The following CRHR2 variants were observed in gnomAD, a reference collection of about 807,000 sequenced individuals.
The protein encoded by CRHR2 is corticotropin-releasing hormone receptor 2.
A neutral mutation model predicts 57.9 loss-of-function variants in CRHR2; 53 were observed. The ratio of observed to expected loss-of-function variants is 0.92; its 90% CI spans 0.73 to 1.15. The LOEUF (loss-of-function observed/expected upper bound fraction) is 1.15. Among genes scored for constraint, CRHR2 ranks in the 50% most tolerant of loss-of-function variants. The pLI, the probability that CRHR2 is intolerant of heterozygous loss-of-function variation, is 0.00. For missense variants in CRHR2, 532 were observed against 542.6 expected (o/e 0.98, Z 0.19); for synonymous variants, 213 against 220.9 (o/e 0.96, Z 0.32).
chr7:30,654,834 A>G (rs1283861680), intron 11 of CRHR2: 4 of 1,542,472 alleles, frequency 2.6e-6, no homozygotes, highest in Non-Finnish European at 3.5e-6. Context: ...GGGTGCTGGC[A>G]TGTTATTTCG....
chr7:30,660,291 C>A (rs761239454), intron 8 of CRHR2, among the ~76,000 whole-genome samples: 3 of 152,184 alleles, frequency 2.0e-5, no homozygotes, highest in Non-Finnish European at 4.4e-5. Flanking sequence ...AGTGTCAGAC[C>A]GGGAGGGCAC....
rs954197815 is a variant in CRHR2, at chr7:30,660,869, G to A, written c.759-224C>T. On this transcript the variant is annotated intron_variant, in intron 7 of 11. Transcript: ENST00000471646. ...GTCTGATCTCCCCAGCCCGACTGAG[G>A]ACAGGCCATGGGTCTCTTTCTCCTC... Among the ~76,000 whole-genome samples the A allele has an allele frequency of 5.9e-5, 9 of 152,202 alleles. No homozygotes were observed. In the South Asian group the frequency reaches 1.0e-3, roughly 18 times the overall value.
intron 10 of CRHR2, 56 bp downstream of exon 10, chr7:30,655,523 GC>G: frequency 6.4e-7 from 1 of 1,569,794 alleles, no homozygotes; most frequent in South Asian, 1.2e-5. Context: ...GGGCATGGCT[GC>G]CAGAGCAGCC....
chr7:30,654,579 C>T (rs892848814), intron 11 of CRHR2: 37 of 1,130,374 alleles, frequency 3.3e-5, no homozygotes, highest in Non-Finnish European at 4.3e-5. Flanking sequence ...TTGGCTTGCA[C>T]ATGCCAAGCT....
intron 3 of CRHR2, 46 bp downstream of exon 3, chr7:30,667,182 A>C (rs748674703): frequency 8.9e-6 from 14 of 1,567,810 alleles, no homozygotes; most frequent in Non-Finnish European, 1.2e-5. Flanking sequence ...CCTGAGTCCA[A>C]ATACCTGTGT....
At chr7:30,671,644 A>G (rs1387634768) in intron 2 of CRHR2, among the ~76,000 whole-genome samples, 2 of 151,488 alleles carry the variant, frequency 1.3e-5, no homozygotes, top group Non-Finnish European at 3.0e-5. Context: ...TCAAAAAAAA[A>G]AAAAAAAAAA....
Position 30,694,780 on chromosome 7 carries a change from G to A in CRHR2, c.-261+5164C>T, listed in dbSNP as rs76173889. 4.2e-3 allele frequency among the ~76,000 whole-genome samples: 632 copies of A among 151,900 alleles called. 4 individuals are homozygous for A. Among genetic ancestry groups the A allele is most frequent in the African/African-American group, 0.014 (590 of 41,388 alleles). The stretch of plus-strand genomic sequence containing the variant: ...TTAGAGGAAGGAGCAAGAGGAGAGG[G>A]AAGAGAAGGAGAAGGCTTGGAGGAG... On this transcript the variant is annotated intron_variant, in intron 1 of 13. Transcript: ENST00000341843.
chr7:30,686,889 C>T (rs769113294), upstream of CRHR2, among the ~76,000 whole-genome samples: 23 of 152,152 alleles, frequency 1.5e-4, no homozygotes, highest in Non-Finnish European at 2.9e-4. Flanking sequence ...TGCATTAGCC[C>T]ATGCATGGCT....
chr7:30,656,886 G>A lies in CRHR2; in HGVS notation c.832-874C>T, dbSNP rs972183372. Among the ~76,000 whole-genome samples the A allele has an allele frequency of 6.6e-6, 1 of 152,192 alleles. No homozygotes were observed. The highest frequency in any genetic ancestry group is 1.5e-5 in the Non-Finnish European group (1 of 68,024). ...AGTGTGTTTGCCTCACAGAGCGTGT[G>A]CATGTGTGAGCATGGATCTGGGGCC... On this transcript the variant is annotated intron_variant, in intron 8 of 11. Transcript: ENST00000471646. The surrounding 1 kb of genome is among the most constrained non-coding windows in gnomAD (Gnocchi z 4.4).
At chr7:30,654,195 T>A (rs1408240660) in intron 11 of CRHR2, among the ~76,000 whole-genome samples, 2 of 152,212 alleles carry the variant, frequency 1.3e-5, no homozygotes, top group African/African-American at 4.8e-5. Context: ...GGTAATTGAA[T>A]TTTTTTGGAA....
intron 1 of CRHR2, among the ~76,000 whole-genome samples, chr7:30,690,979 CCATGGT>C (rs1289390735): frequency 6.6e-6 from 1 of 152,158 alleles, no homozygotes; most frequent in African/African-American, 2.4e-5. Context: ...ACACTGGGGG[CCATGGT>C]CTTGCTGTCC....
chr7:30,672,392 C>T (rs977325027), intron 2 of CRHR2, among the ~76,000 whole-genome samples: 9 of 152,362 alleles, frequency 5.9e-5, no homozygotes, highest in African/African-American at 1.9e-4. Context: ...AAAGGCATGT[C>T]CTGGGTTGCT....
chr7:30,689,105 G>T, intron 2 of CRHR2: 1 of 1,236,330 alleles, frequency 8.1e-7, no homozygotes, highest in Non-Finnish European at 1.2e-6. Flanking sequence ...GCTGAGCCTG[G>T]GCTGGCCCCA....
At chr7:30,675,472 T>A (rs954922823) in intron 2 of CRHR2, among the ~76,000 whole-genome samples, 1 of 152,258 alleles carries the variant, frequency 6.6e-6, no homozygotes, top group Non-Finnish European at 1.5e-5. Flanking sequence ...TCCAGAGTAT[T>A]CTGGTCCTGT....
intron 1 of CRHR2, chr7:30,699,824 C>T: frequency 1.5e-6 from 1 of 688,986 alleles, no homozygotes; most frequent in Admixed American, 3.8e-5. Flanking sequence ...CATCATCAGA[C>T]ACAAGGATCC....
At chr7:30,677,850 G>A (rs1040281760) in intron 2 of CRHR2, among the ~76,000 whole-genome samples, 25 of 152,228 alleles carry the variant, frequency 1.6e-4, no homozygotes, top group Non-Finnish European at 5.9e-5. Flanking sequence ...CAGGAGGATC[G>A]CTTGAGTCTG....
exon 1 of CRHR2, chr7:30,699,967 G>A (rs752334342): frequency 6.7e-7 from 1 of 1,491,410 alleles, no homozygotes; most frequent in South Asian, 1.3e-5. Flanking sequence ...GGTGGGAGGA[G>A]GCAGAGCAGG....
At chr7:30,698,616 G>A (rs955831787) in intron 1 of CRHR2, among the ~76,000 whole-genome samples, 4 of 152,182 alleles carry the variant, frequency 2.6e-5, no homozygotes, top group African/African-American at 7.2e-5. Context: ...AGGTCTGGGG[G>A]CCATCTGCCT....
At chr7:30,697,710 C>G (rs1785085081) in intron 1 of CRHR2, among the ~76,000 whole-genome samples, 3 of 152,340 alleles carry the variant, frequency 2.0e-5, no homozygotes, top group Middle Eastern at 3.4e-3. Context: ...AGGACCCATA[C>G]AGCTCTGCAG....
Sources: allele counts gnomAD v4.1 joint callset (sites outside exome capture counted in the v4.1 genomes callset), GRCh38; gene constraint gnomAD v4.1.1; non-coding constraint Gnocchi (gnomAD v3.1); transcripts MANE v1.5; gene names NCBI Gene and HGNC (gene_info 2026-07-23, HGNC 2026-07-21).